The following ADGRG7 variants were observed in gnomAD, a reference collection of about 807,000 sequenced individuals.
ADGRG7 encodes the protein G-protein coupled receptor 128.
A neutral mutation model predicts 88.6 loss-of-function variants in ADGRG7; 82 were observed. That is an observed-to-expected ratio of 0.93 (90% CI 0.77 to 1.11). The LOEUF is 1.11. Ranked by LOEUF, ADGRG7 falls within the 50% of genes most tolerant of loss-of-function variation. The probability of loss-of-function intolerance (pLI) is 0.00; values close to 1 mark genes in which losing one functional copy is unlikely to be tolerated. For synonymous variants in ADGRG7, 381 were observed against 345.2 expected (o/e 1.10, Z -1.15); for missense variants, 945 against 953.4 (o/e 0.99, Z 0.12).
intron 13 of ADGRG7, among the ~76,000 whole-genome samples, chr3:100,657,928 C>A (rs1254110207): frequency 6.6e-6 from 1 of 152,110 alleles, no homozygotes; most frequent in Non-Finnish European, 1.5e-5. Context: ...ATTTAGAAAT[C>A]CTTTCACGTG....
rs568648380 is a variant in ADGRG7, at chr3:100,655,786, G to T, written c.1727-113G>T. On this transcript the variant is annotated intron_variant, in intron 12 of 15. Coordinates refer to ENST00000273352, the MANE Select transcript of ADGRG7 (RefSeq NM_032787.3). ...AGGATCACTTTGTATATTGTCCATA[G>T]TGAAAACAACATACATCCTGAAGAG... The T allele has an allele frequency of 6.5e-5, 44 of 675,358 alleles. 1 individual carries two copies. The South Asian group carries it at 9.3e-4, about 14-fold the overall frequency. 41.8% of individuals were successfully genotyped at this position (675,358 alleles called of 1,614,324 possible).
intron 15 of ADGRG7, among the ~76,000 whole-genome samples, chr3:100,670,321 T>C (rs2094956842): frequency 6.6e-6 from 1 of 152,210 alleles, no homozygotes; most frequent in South Asian, 2.1e-4. Context: ...TCCATCCATG[T>C]TGTTACAAAT....
chr3:100,673,756 C>T (rs563525970), intron 15 of ADGRG7, among the ~76,000 whole-genome samples: 92 of 152,282 alleles, frequency 6.0e-4, no homozygotes, highest in African/African-American at 2.1e-3. Flanking sequence ...CGTGCCTGGC[C>T]TCTTTTCTTC....
chr3:100,635,653 T>G (rs779273599), intron 4 of ADGRG7, 24 bp from the exon 5 acceptor site: 45 of 1,599,794 alleles, frequency 2.8e-5, no homozygotes, highest in Middle Eastern at 1.7e-4. Flanking sequence ...AAAGCTAGGG[T>G]TTTTTTTCTG....
intron 15 of ADGRG7, among the ~76,000 whole-genome samples, chr3:100,671,705 T>C (rs1490209744): frequency 6.6e-6 from 1 of 152,250 alleles, no homozygotes; most frequent in African/African-American, 2.4e-5. Flanking sequence ...CATTTAAGTC[T>C]TTAATCATCT....
intron 15 of ADGRG7, among the ~76,000 whole-genome samples, chr3:100,681,902 C>T (rs2094973993): frequency 6.6e-6 from 1 of 152,184 alleles, no homozygotes; most frequent in African/African-American, 2.4e-5. Flanking sequence ...TTTTTGAAAG[C>T]TCACTCCTGA....
intron 15 of ADGRG7, among the ~76,000 whole-genome samples, chr3:100,681,424 C>T (rs2094973243): frequency 6.6e-6 from 1 of 151,880 alleles, no homozygotes; most frequent in South Asian, 2.1e-4. Context: ...AATTCTCCTG[C>T]TTCAGTGTCC....
intron 1 of ADGRG7, among the ~76,000 whole-genome samples, chr3:100,622,076 G>A (rs916430395): frequency 2.0e-5 from 3 of 152,166 alleles, no homozygotes; most frequent in Non-Finnish European, 2.9e-5. Context: ...AGGAGGCTAA[G>A]CTCAGGAGAT....
intron 15 of ADGRG7, among the ~76,000 whole-genome samples, chr3:100,686,882 C>T (rs941404256): frequency 8.5e-5 from 13 of 152,054 alleles, no homozygotes; most frequent in African/African-American, 1.4e-4. Flanking sequence ...TCCATATGAA[C>T]GAACTTTAAA....
At chr3:100,662,109 T>C (rs1362797634) in intron 14 of ADGRG7, among the ~76,000 whole-genome samples, 1 of 152,210 alleles carries the variant, frequency 6.6e-6, no homozygotes, top group Non-Finnish European at 1.5e-5. Context: ...GCTCAGGTTT[T>C]AAAAGTAGTT....
intron 14 of ADGRG7, among the ~76,000 whole-genome samples, chr3:100,663,583 A>G (rs937504660): frequency 7.9e-5 from 12 of 152,042 alleles, no homozygotes; most frequent in Admixed American, 3.9e-4. Context: ...GCCAAGGTTG[A>G]GAACAGAAGA....
intron 14 of ADGRG7, chr3:100,665,387 A>C: frequency 1.9e-6 from 1 of 540,520 alleles, no homozygotes. Context: ...ATTACAATAG[A>C]AGCATTGTTT....
chr3:100,649,885 G>C, intron 11 of ADGRG7, 78 bp downstream of exon 11: 2 of 807,230 alleles, frequency 2.5e-6, no homozygotes, highest in Non-Finnish European at 2.1e-6. Context: ...CTCATGAGTA[G>C]TGTCTTTGAA....
chr3:100,692,023 G>A (rs1371162355), intron 15 of ADGRG7, among the ~76,000 whole-genome samples: 3 of 152,172 alleles, frequency 2.0e-5, no homozygotes, highest in African/African-American at 7.2e-5. Flanking sequence ...GCTAAGAACG[G>A]TAACTACAGT....
intron 15 of ADGRG7, among the ~76,000 whole-genome samples, chr3:100,681,320 CT>C (rs886390224): frequency 1.2e-4 from 11 of 88,920 alleles, no homozygotes; most frequent in African/African-American, 4.1e-4. Context: ...TTTTTTTTTT[CT>C]TTTTTTTGAG....
chr3:100,627,963 T>C (rs774650577), intron 1 of ADGRG7, among the ~76,000 whole-genome samples: 2 of 152,168 alleles, frequency 1.3e-5, no homozygotes, highest in Admixed American at 6.5e-5. Flanking sequence ...TGAAGCTCTG[T>C]TTATTTTTTT....
chr3:100,659,316 T>C (rs1456536951), intron 13 of ADGRG7, among the ~76,000 whole-genome samples: 5 of 151,234 alleles, frequency 3.3e-5, no homozygotes, highest in Admixed American at 2.6e-4. Context: ...GGCGGGTGCC[T>C]GTAGTCCCAG....
chr3:100,614,720 T>G (rs1255282041), intron 1 of ADGRG7, among the ~76,000 whole-genome samples: 1 of 152,202 alleles, frequency 6.6e-6, no homozygotes, highest in Non-Finnish European at 1.5e-5. Flanking sequence ...ATTTCCCTAC[T>G]TATTAAAATC....
intron 2 of ADGRG7, 58 bp downstream of exon 2, chr3:100,629,769 G>A: frequency 8.8e-7 from 1 of 1,139,236 alleles, no homozygotes; most frequent in Non-Finnish European, 1.3e-6. Context: ...GTGTTAATAA[G>A]AATAGCAATA....
Sources: allele counts gnomAD v4.1 joint callset (sites outside exome capture counted in the v4.1 genomes callset), GRCh38; gene constraint gnomAD v4.1.1; transcripts MANE v1.5; gene names NCBI Gene and HGNC (gene_info 2026-07-23, HGNC 2026-07-21).